Variants in SLC24A2 observed in about 807,000 individuals in gnomAD.
The protein encoded by SLC24A2 is sodium/potassium/calcium exchanger 2.
Under a neutral mutation model 62.0 loss-of-function variants are expected in SLC24A2, and 36 were observed. The ratio of observed to expected loss-of-function variants is 0.58; its 90% CI spans 0.44 to 0.77. The LOEUF (loss-of-function observed/expected upper bound fraction) is 0.77, where lower values mean the gene tolerates loss of function less well. Among genes scored for constraint, SLC24A2 ranks in the 30% least tolerant of loss-of-function variants. The probability of loss-of-function intolerance (pLI) is 0.00; values close to 1 mark genes in which losing one functional copy is unlikely to be tolerated. For missense variants in SLC24A2, 846 were observed against 817.9 expected, an observed-to-expected ratio of 1.03 and a Z score of -0.42; for synonymous variants, 358 against 294.0, an observed-to-expected ratio of 1.22 and a Z score of -2.23.
At chr9:20,305,249 A>C in the SLC24A2 span, among the ~76,000 whole-genome samples, 1 of 151,866 alleles carries the variant, frequency 6.6e-6, no homozygotes, top group Admixed American at 6.6e-5. Context: ...CTGGGATTAC[A>C]GGTGTGTGCT....
At chr9:19,896,889 G>A in the SLC24A2 span, among the ~76,000 whole-genome samples, 6 of 152,168 alleles carry the variant, frequency 3.9e-5, no homozygotes, top group Non-Finnish European at 5.9e-5. Flanking sequence ...GTCTTGTTAT[G>A]CATGTCATGT....
intron 2 of SLC24A2, among the ~76,000 whole-genome samples, chr9:19,663,877 G>C (rs918268117): frequency 6.6e-6 from 1 of 152,168 alleles, no homozygotes; most frequent in Non-Finnish European, 1.5e-5. Flanking sequence ...AGGGCACCAG[G>C]GTGCAGATCT....
At chr9:19,747,399 CTG>C (rs1343309940) in intron 2 of SLC24A2, among the ~76,000 whole-genome samples, 1 of 152,062 alleles carries the variant, frequency 6.6e-6, no homozygotes, top group Non-Finnish European at 1.5e-5. Context: ...CTTGTTTTTG[CTG>C]TGTTACATTA....
the SLC24A2 span, among the ~76,000 whole-genome samples, chr9:19,966,839 AT>A: frequency 6.6e-6 from 1 of 152,220 alleles, no homozygotes; most frequent in Non-Finnish European, 1.5e-5. Context: ...CTCTCAAGCA[AT>A]TGAATTAGTA....
intron 2 of SLC24A2, among the ~76,000 whole-genome samples, chr9:19,648,328 A>G (rs1818701953): frequency 6.6e-6 from 1 of 152,220 alleles, no homozygotes; most frequent in Non-Finnish European, 1.5e-5. Context: ...GTCAGATTAA[A>G]TGAATTCAGA....
chr9:19,721,761 C>A (rs910562927), intron 2 of SLC24A2, among the ~76,000 whole-genome samples: 1 of 152,094 alleles, frequency 6.6e-6, no homozygotes, highest in Non-Finnish European at 1.5e-5. Flanking sequence ...TAACAGCCTT[C>A]ATTTTGAGAA....
At chr9:19,851,559 A>G in the SLC24A2 span, among the ~76,000 whole-genome samples, 2 of 152,162 alleles carry the variant, frequency 1.3e-5, no homozygotes, top group East Asian at 1.9e-4. Context: ...GCTCCCGCTT[A>G]TAAGTGAGAA....
At chr9:20,132,804 G>C in the SLC24A2 span, among the ~76,000 whole-genome samples, 14 of 152,136 alleles carry the variant, frequency 9.2e-5, no homozygotes, top group African/African-American at 3.4e-4. Flanking sequence ...TATAAATTTT[G>C]TTATTCTGTT....
the SLC24A2 span, among the ~76,000 whole-genome samples, chr9:20,273,453 T>G: frequency 6.6e-6 from 1 of 152,154 alleles, no homozygotes; most frequent in African/African-American, 2.4e-5. Context: ...TATTCCTACT[T>G]TTATGGGAGG....
chr9:19,864,785 G>C, the SLC24A2 span, among the ~76,000 whole-genome samples: 6 of 152,054 alleles, frequency 3.9e-5, no homozygotes, highest in Non-Finnish European at 7.4e-5. Flanking sequence ...AACATGACAA[G>C]GATGCCCACT....
At chr9:20,196,969 A>C in the SLC24A2 span, among the ~76,000 whole-genome samples, 123 of 152,322 alleles carry the variant, frequency 8.1e-4, 1 homozygote, top group African/African-American at 2.8e-3. Flanking sequence ...GGCATTGCAT[A>C]ATTTTCATTT....
the SLC24A2 span, among the ~76,000 whole-genome samples, chr9:20,122,106 T>C: frequency 6.6e-6 from 1 of 152,222 alleles, no homozygotes; most frequent in Non-Finnish European, 1.5e-5. Flanking sequence ...CCTAATTTGC[T>C]GGGTTAAGTA....
chr9:19,694,096 T>TAA (rs11394521), intron 2 of SLC24A2, among the ~76,000 whole-genome samples: 1,732 of 148,814 alleles, frequency 0.012, 35 homozygotes, highest in African/African-American at 0.039. Context: ...TAGGATTCTC[T>TAA]AAAAAAAAAA....
At chr9:19,900,113 G>C in the SLC24A2 span, among the ~76,000 whole-genome samples, 1,447 of 152,324 alleles carry the variant, frequency 9.5e-3, 11 homozygotes, top group Non-Finnish European at 0.017. Flanking sequence ...GGAGTCTGCT[G>C]TCTGGCCCTG....
chr9:19,740,978 G>C (rs1214665207), intron 2 of SLC24A2, among the ~76,000 whole-genome samples: 3 of 152,010 alleles, frequency 2.0e-5, no homozygotes, highest in African/African-American at 4.8e-5. Context: ...AGTTTTATTG[G>C]CTTTATCTGA....
the SLC24A2 span, among the ~76,000 whole-genome samples, chr9:20,059,525 A>G: frequency 6.6e-6 from 1 of 152,190 alleles, no homozygotes; most frequent in Non-Finnish European, 1.5e-5. Context: ...ACAAATATGT[A>G]GAAATTAAAC....
At chr9:20,200,762 C>T in the SLC24A2 span, among the ~76,000 whole-genome samples, 24 of 152,248 alleles carry the variant, frequency 1.6e-4, no homozygotes, top group African/African-American at 4.3e-4. Context: ...GACTTCAGAG[C>T]TTACTTCATG....
chr9:20,134,813 G>A, the SLC24A2 span, among the ~76,000 whole-genome samples: 2 of 152,256 alleles, frequency 1.3e-5, no homozygotes, highest in Middle Eastern at 3.4e-3. Flanking sequence ...ATTCTGCTAT[G>A]CAGAAATGGA....
At chr9:19,945,989 G>A in the SLC24A2 span, among the ~76,000 whole-genome samples, 1 of 152,182 alleles carries the variant, frequency 6.6e-6, no homozygotes, top group African/African-American at 2.4e-5. Context: ...AGAGAAGATT[G>A]TCACCCAAGG....
Sources: gnomAD v4.1 joint callset for allele counts (sites outside exome capture counted in the v4.1 genomes callset) on GRCh38, gnomAD v4.1.1 for gene constraint, MANE v1.5 for transcripts, NCBI Gene and HGNC (gene_info 2026-07-23, HGNC 2026-07-21) for gene names.